THSD7B: variants seen among roughly 807,000 people sequenced by gnomAD.
The protein encoded by THSD7B is thrombospondin type-1 domain-containing protein 7B.
Under a neutral mutation model 213.6 loss-of-function variants are expected in THSD7B, and 138 were observed. The ratio of observed to expected loss-of-function variants is 0.65; its 90% CI spans 0.56 to 0.74. The LOEUF is 0.74. THSD7B is among the 30% of genes least tolerant of loss of function. The pLI, the probability that THSD7B is intolerant of heterozygous loss-of-function variation, is 0.00. For missense variants in THSD7B, 1,931 were observed against 1,991.5 expected (o/e 0.97, Z 0.58); for synonymous variants, 742 against 687.0 (o/e 1.08, Z -1.25).
chr2:136,863,112 A>G (rs1270282091), intron 1 of THSD7B, among the ~76,000 whole-genome samples: 4 of 152,208 alleles, frequency 2.6e-5, no homozygotes, highest in Non-Finnish European at 5.9e-5. Flanking sequence ...AAGTCATTCT[A>G]ATAGTGCCTA....
In THSD7B at chr2:137,292,093, G is replaced by A. The variant is rs539876268; in HGVS notation, c.2500+16067G>A. ...AAATGCTGCTTCTAGAACCAGAAGG[G>A]AAGTGTTGGCTTCACTTCTCATGAT... On this transcript the variant is annotated intron_variant, in intron 12 of 27. Coordinates refer to ENST00000409968, the MANE Select transcript of THSD7B (RefSeq NM_001316349.2). Among the ~76,000 whole-genome samples the A allele has an allele frequency of 6.6e-4, 101 of 152,232 alleles. 2 individuals carry two copies. The highest frequency in any genetic ancestry group is 4.8e-3 in the South Asian group (23 of 4,760).
At chr2:136,895,982 A>T (rs1345963792) in intron 2 of THSD7B, among the ~76,000 whole-genome samples, 1 of 152,196 alleles carries the variant, frequency 6.6e-6, no homozygotes, top group Non-Finnish European at 1.5e-5. Context: ...CATTGTATGG[A>T]TATAACACAT....
intron 2 of THSD7B, among the ~76,000 whole-genome samples, chr2:136,961,753 C>T (rs2105085854): frequency 6.6e-6 from 1 of 152,252 alleles, no homozygotes; most frequent in Middle Eastern, 3.4e-3. Flanking sequence ...ATGTGGTGGT[C>T]TCTGGAATAT....
At chr2:137,414,841 A>G (rs553820001) in intron 14 of THSD7B, among the ~76,000 whole-genome samples, 1 of 152,274 alleles carries the variant, frequency 6.6e-6, no homozygotes, top group South Asian at 2.1e-4. Flanking sequence ...GGATCACTTG[A>G]GGCCATGACT....
intron 7 of THSD7B, among the ~76,000 whole-genome samples, chr2:137,190,089 T>G (rs34547289): frequency 0.046 from 7,024 of 152,252 alleles, 201 homozygotes; most frequent in Admixed American, 0.069. Context: ...TAAGGGGGAA[T>G]AGCCCACAAT....
intron 15 of THSD7B, among the ~76,000 whole-genome samples, chr2:137,508,422 G>A (rs1325696355): frequency 6.9e-6 from 1 of 144,398 alleles, no homozygotes; most frequent in East Asian, 2.1e-4. Flanking sequence ...TGTCGCCCAG[G>A]CTGGAGTGCA....
chr2:136,766,610 T>G (rs1034229147), intron 1 of THSD7B, among the ~76,000 whole-genome samples: 4 of 152,224 alleles, frequency 2.6e-5, no homozygotes, highest in African/African-American at 9.6e-5. Flanking sequence ...TCTCACTCTA[T>G]CCCTTTTTAA....
intron 3 of THSD7B, among the ~76,000 whole-genome samples, chr2:137,088,575 G>T (rs899223280): frequency 6.7e-6 from 1 of 149,990 alleles, no homozygotes; most frequent in Non-Finnish European, 1.5e-5. Flanking sequence ...TTAGGCAAGG[G>T]TTTCATGACC....
chr2:137,424,491 A>G (rs2105030386), intron 14 of THSD7B, among the ~76,000 whole-genome samples: 1 of 152,332 alleles, frequency 6.6e-6, no homozygotes, highest in East Asian at 1.9e-4. Flanking sequence ...ACAAAATTTT[A>G]GCAAACCAAA....
chr2:137,589,235 A>G (rs563493812), intron 17 of THSD7B, among the ~76,000 whole-genome samples: 9 of 152,320 alleles, frequency 5.9e-5, no homozygotes, highest in Middle Eastern at 3.4e-3. Context: ...TGTAAAATAA[A>G]AAAATACTTA....
chr2:136,906,539 T>C (rs1684164705), intron 2 of THSD7B: 1 of 152,154 alleles, frequency 6.6e-6, no homozygotes, highest in Non-Finnish European at 1.5e-5. Flanking sequence ...TTATAAGTCT[T>C]GAATTCGTTG....
chr2:137,240,972 C>A (rs959105066), intron 9 of THSD7B, among the ~76,000 whole-genome samples: 1 of 152,064 alleles, frequency 6.6e-6, no homozygotes, highest in African/African-American at 2.4e-5. Flanking sequence ...TTTCTCTATT[C>A]TCTCTTACTG....
chr2:137,251,314 G>A (rs1450568445), intron 10 of THSD7B, among the ~76,000 whole-genome samples: 4 of 152,072 alleles, frequency 2.6e-5, no homozygotes, highest in Non-Finnish European at 5.9e-5. Context: ...TGGCAAATGT[G>A]GTTAAAAGGG....
chr2:137,152,277 T>C (rs1309249891), intron 5 of THSD7B, among the ~76,000 whole-genome samples: 4 of 152,142 alleles, frequency 2.6e-5, no homozygotes, highest in Non-Finnish European at 5.9e-5. Flanking sequence ...ACTGGTGACA[T>C]TTTTAAACCT....
chr2:136,902,010 A>G (rs1684071498), intron 2 of THSD7B, among the ~76,000 whole-genome samples: 1 of 152,234 alleles, frequency 6.6e-6, no homozygotes. Context: ...ATTAGTGGAC[A>G]GATGTAGAGT....
rs192528518 is a variant in THSD7B at position 137,605,064 on chromosome 2, G to C, written c.3424-11111G>C. On this transcript the variant is annotated intron_variant, in intron 17 of 27. Coordinates refer to ENST00000409968, the MANE Select transcript of THSD7B (RefSeq NM_001316349.2). ...AGCTAATAAGCATAAATTCTATAGA[G>C]AGCATCTTCTCACCTCCCAGATTCT... is the stretch of plus-strand genomic sequence containing the variant. Among the ~76,000 whole-genome samples, 9 of 152,220 alleles carry C rather than the reference G, an allele frequency of 5.9e-5. No homozygotes were observed. The East Asian group carries it at 1.5e-3, about 26-fold the overall frequency.
At chr2:137,555,617 A>C (rs576098028) in intron 15 of THSD7B, among the ~76,000 whole-genome samples, 2 of 152,300 alleles carry the variant, frequency 1.3e-5, no homozygotes, top group African/African-American at 4.8e-5. Flanking sequence ...AAAATTGAAA[A>C]TTCTAAAAAT....
intron 6 of THSD7B, among the ~76,000 whole-genome samples, chr2:137,161,402 T>C (rs1353325404): frequency 1.3e-5 from 2 of 152,040 alleles, no homozygotes; most frequent in Admixed American, 6.6e-5. Context: ...GGCCAAACAC[T>C]TGATGCTAGC....
chr2:136,823,639 A>G (rs1573655095), intron 1 of THSD7B, among the ~76,000 whole-genome samples: 1 of 152,086 alleles, frequency 6.6e-6, no homozygotes, highest in Non-Finnish European at 1.5e-5. Flanking sequence ...CTGCAGAAAT[A>G]TCTCATTTTA....
Sources: gnomAD v4.1 joint callset for allele counts (sites outside exome capture counted in the v4.1 genomes callset) on GRCh38, gnomAD v4.1.1 for gene constraint, MANE v1.5 for transcripts, NCBI Gene and HGNC (gene_info 2026-07-23, HGNC 2026-07-21) for gene names.